KATNIP: variants seen among roughly 807,000 people sequenced by gnomAD.
KATNIP encodes the protein katanin interacting protein, also known as katanin-interacting protein.
A neutral mutation model predicts 174.0 loss-of-function variants in KATNIP; 126 were observed. The observed-to-expected ratio is 0.72, with a 90% CI of 0.63 to 0.84. The LOEUF is 0.84. Ranked by LOEUF, KATNIP falls within the 40% of genes least tolerant of loss-of-function variation. KATNIP has a pLI of 0.00. For missense variants in KATNIP, 1,958 were observed against 2,109.7 expected, an observed-to-expected ratio of 0.93 and a Z score of 1.41; for synonymous variants, 810 against 835.7, an observed-to-expected ratio of 0.97 and a Z score of 0.53.
At chr16:27,774,902 G>C (rs771350004) in intron 23 of KATNIP, 43 bp from the exon 24 acceptor site, 10 of 1,611,910 alleles carry the variant, frequency 6.2e-6, no homozygotes, top group Non-Finnish European at 8.5e-6. Context: ...TGGCAGCCCC[G>C]AGCACACAGA....
At chr16:27,641,570 G>A (rs758625475) in intron 5 of KATNIP, among the ~76,000 whole-genome samples, 17 of 152,144 alleles carry the variant, frequency 1.1e-4, no homozygotes, top group Admixed American at 3.9e-4. Context: ...CTCAAAAAGC[G>A]AAAACAGGGT....
At chr16:27,748,130 C>A (rs192443752) in intron 15 of KATNIP, among the ~76,000 whole-genome samples, 1 of 152,158 alleles carries the variant, frequency 6.6e-6, no homozygotes, top group Admixed American at 6.5e-5. Context: ...CAGGCCACTG[C>A]GTGGTGTGCA....
At chr16:27,650,675 A>G (rs1463354648) in intron 6 of KATNIP, among the ~76,000 whole-genome samples, 2 of 152,194 alleles carry the variant, frequency 1.3e-5, no homozygotes, top group African/African-American at 4.8e-5. Context: ...TCATGCTTGT[A>G]CTTCCTTATT....
intron 7 of KATNIP, among the ~76,000 whole-genome samples, chr16:27,680,472 C>A (rs879545390): frequency 1.5e-4 from 23 of 152,318 alleles, no homozygotes; most frequent in Non-Finnish European, 2.8e-4. Context: ...TCGAGTGATA[C>A]TGGGGCATAA....
At chr16:27,659,887 G>A (rs1182449418) in intron 6 of KATNIP, 1 of 295,498 alleles carries the variant, frequency 3.4e-6, no homozygotes, top group Non-Finnish European at 5.0e-6. Context: ...TATCATTGTT[G>A]CTGTTTGACT....
At chr16:27,719,666 C>T (rs1426461210) in intron 13 of KATNIP, among the ~76,000 whole-genome samples, 1 of 151,446 alleles carries the variant, frequency 6.6e-6, no homozygotes, top group Non-Finnish European at 1.5e-5. Flanking sequence ...CAGGTATGAG[C>T]CACTGCACCC....
At chr16:27,758,084 G>T (rs1319930103) in intron 18 of KATNIP, among the ~76,000 whole-genome samples, 3 of 152,168 alleles carry the variant, frequency 2.0e-5, no homozygotes, top group Non-Finnish European at 2.9e-5. Context: ...ATCAATTTCA[G>T]AACAGCCCCA....
At chr16:27,731,503 A>G (rs2080681987) in intron 14 of KATNIP, among the ~76,000 whole-genome samples, 1 of 152,250 alleles carries the variant, frequency 6.6e-6, no homozygotes, top group Admixed American at 6.5e-5. Context: ...TACTGCAGTT[A>G]CCAGCTCCAT....
chr16:27,730,351 C>G (rs2080622048), intron 14 of KATNIP, among the ~76,000 whole-genome samples: 1 of 152,020 alleles, frequency 6.6e-6, no homozygotes, highest in African/African-American at 2.4e-5. Flanking sequence ...CTAGAGGATC[C>G]CACATTTACA....
At chr16:27,730,343 A>T (rs2080621530) in intron 14 of KATNIP, among the ~76,000 whole-genome samples, 1 of 152,182 alleles carries the variant, frequency 6.6e-6, no homozygotes, top group Non-Finnish European at 1.5e-5. Context: ...TTGAGAAACT[A>T]GAGGATCCCA....
At chr16:27,610,011 A>G (rs1466269809) in intron 2 of KATNIP, among the ~76,000 whole-genome samples, 3 of 152,108 alleles carry the variant, frequency 2.0e-5, no homozygotes, top group Non-Finnish European at 4.4e-5. Context: ...TGTTGAGGAC[A>G]CTGGAGTGAG....
intron 1 of KATNIP, among the ~76,000 whole-genome samples, chr16:27,571,987 G>GTGT (rs1567447574): frequency 6.6e-6 from 1 of 150,664 alleles, no homozygotes; most frequent in African/African-American, 2.4e-5. Context: ...AAATCCTGGG[G>GTGT]GTGTGTGTGT....
At chr16:27,696,618 T>C (rs1442401457) in intron 8 of KATNIP, among the ~76,000 whole-genome samples, 1 of 152,244 alleles carries the variant, frequency 6.6e-6, no homozygotes, top group African/African-American at 2.4e-5. Flanking sequence ...GTTAGTTTGC[T>C]CAGGATAATG....
At chr16:27,648,391 G>A (rs1209393089) in intron 5 of KATNIP, among the ~76,000 whole-genome samples, 2 of 152,144 alleles carry the variant, frequency 1.3e-5, no homozygotes. Flanking sequence ...ACTCTTGAGC[G>A]AGGCGGCATG....
intron 16 of KATNIP, among the ~76,000 whole-genome samples, chr16:27,751,474 C>T (rs117583341): frequency 0.018 from 2,778 of 152,242 alleles, 35 homozygotes; most frequent in Non-Finnish European, 0.028. Context: ...AAAGAAATGT[C>T]ACTTGCCTGA....
chr16:27,632,316 G>C (rs1220203203), intron 5 of KATNIP: 1 of 174,630 alleles, frequency 5.7e-6, no homozygotes, highest in Non-Finnish European at 1.3e-5. Flanking sequence ...CCAGAAGCCA[G>C]AAAACTGCAC....
chr16:27,732,252 A>G (rs1029164738), intron 14 of KATNIP, among the ~76,000 whole-genome samples: 1 of 152,148 alleles, frequency 6.6e-6, no homozygotes, highest in Non-Finnish European at 1.5e-5. Flanking sequence ...AGTGTGGCTT[A>G]TAGTAGGTGT....
At chr16:27,593,385 T>C (rs2075244137) in intron 2 of KATNIP, among the ~76,000 whole-genome samples, 1 of 151,952 alleles carries the variant, frequency 6.6e-6, no homozygotes, top group Admixed American at 6.6e-5. Flanking sequence ...ATTACAGGCA[T>C]GCACCACCAC....
At chr16:27,658,002 T>C (rs2077354211) in intron 6 of KATNIP, among the ~76,000 whole-genome samples, 1 of 152,212 alleles carries the variant, frequency 6.6e-6, no homozygotes, top group Admixed American at 6.5e-5. Context: ...GGTATTACCA[T>C]TGGGGGAAAC....
Sources: gnomAD v4.1 joint callset for allele counts (sites outside exome capture counted in the v4.1 genomes callset) on GRCh38, gnomAD v4.1.1 for gene constraint, MANE v1.5 for transcripts, NCBI Gene and HGNC (gene_info 2026-07-23, HGNC 2026-07-21) for gene names.